The following GALNTL6 variants were observed in gnomAD, a reference collection of about 807,000 sequenced individuals.
GALNTL6 encodes polypeptide N-acetylgalactosaminyltransferase like 6.
In GALNTL6, 46 loss-of-function variants were observed where a neutral mutation model predicts 73.7. The observed-to-expected ratio is 0.62, with a 90% CI of 0.49 to 0.80. The LOEUF (loss-of-function observed/expected upper bound fraction) is 0.80, where lower values mean the gene tolerates loss of function less well. GALNTL6 is among the 30% of genes least tolerant of loss of function. GALNTL6 has a pLI of 0.00. For missense variants in GALNTL6, 604 were observed against 755.0 expected, an observed-to-expected ratio of 0.80 and a Z score of 2.34; for synonymous variants, 259 against 263.7, an observed-to-expected ratio of 0.98 and a Z score of 0.17.
At chr4:172,062,313 C>T (rs537611295) in intron 2 of GALNTL6, among the ~76,000 whole-genome samples, 10 of 152,218 alleles carry the variant, frequency 6.6e-5, no homozygotes, top group Admixed American at 2.0e-4. Context: ...TAATGTCACA[C>T]GGCCTAGAAG....
chr4:172,554,838 G>A (rs1454138803), intron 5 of GALNTL6, among the ~76,000 whole-genome samples: 2 of 152,046 alleles, frequency 1.3e-5, no homozygotes, highest in Non-Finnish European at 2.9e-5. Context: ...GTGGTTCCCA[G>A]GTCTTGGCTC....
chr4:171,916,460 A>T (rs575196903), intron 2 of GALNTL6, among the ~76,000 whole-genome samples: 1 of 152,254 alleles, frequency 6.6e-6, no homozygotes, highest in African/African-American at 2.4e-5. Flanking sequence ...ACTGCTGGAA[A>T]TGCATTGGAA....
At chr4:172,835,045 G>A (rs1742834569) in intron 7 of GALNTL6, among the ~76,000 whole-genome samples, 1 of 152,218 alleles carries the variant, frequency 6.6e-6, no homozygotes, top group Non-Finnish European at 1.5e-5. Context: ...ATGTCACCAA[G>A]AAGCAGGAGA....
chr4:171,992,521 T>C (rs1315103001), intron 2 of GALNTL6, among the ~76,000 whole-genome samples: 1 of 152,072 alleles, frequency 6.6e-6, no homozygotes, highest in Non-Finnish European at 1.5e-5. Context: ...CCCACTCAGA[T>C]CTTCTTACTC....
intron 10 of GALNTL6, among the ~76,000 whole-genome samples, chr4:172,979,438 A>G (rs890630644): frequency 6.6e-6 from 1 of 152,242 alleles, no homozygotes; most frequent in African/African-American, 2.4e-5. Context: ...ATATGGAAAA[A>G]TAAATTGTTT....
chr4:173,031,413 T>C (rs1192790179), intron 12 of GALNTL6, among the ~76,000 whole-genome samples: 2 of 152,218 alleles, frequency 1.3e-5, no homozygotes, highest in Non-Finnish European at 2.9e-5. Context: ...AACTATTTAG[T>C]TATAGCTAAA....
intron 2 of GALNTL6, among the ~76,000 whole-genome samples, chr4:171,914,045 GT>G (rs1737546081): frequency 6.6e-6 from 1 of 151,982 alleles, no homozygotes; most frequent in Non-Finnish European, 1.5e-5. Context: ...TCTTGCTATT[GT>G]TATAAAGGCT....
At chr4:172,387,808 T>G (rs891654544) in intron 5 of GALNTL6, among the ~76,000 whole-genome samples, 1 of 152,176 alleles carries the variant, frequency 6.6e-6, no homozygotes, top group African/African-American at 2.4e-5. Context: ...TAAAATGTTC[T>G]TCCTATTACT....
rs1418660698 is a variant in GALNTL6, at chr4:172,311,647, C to T, written c.281C>T (p.Thr94Ile). The T allele has an allele frequency of 1.2e-6, 2 of 1,610,716 alleles. No individual in the cohort carries two copies. The highest frequency in any genetic ancestry group is 1.7e-6 in the Non-Finnish European group (2 of 1,178,258). The change falls in exon 4 of 13, where the codon ACT becomes ATT. Residue 94 changes from threonine (T) to isoleucine (I), a missense_variant. Thr to Ile is a moderately conservative substitution (Grantham distance 89). This residue lies in a region of GALNTL6 where 141 missense variants were observed against 156.6 expected (regional missense o/e 0.90). Coordinates refer to ENST00000506823, the MANE Select transcript of GALNTL6 (RefSeq NM_001034845.3). Reference protein sequence around the residue: ...KGEHGKPYPLTEEDHDDSAYR... With the variant: ...KGEHGKPYPLIEEDHDDSAYR... Reference sequence around the variant, plus strand: ...GAACATGGGAAACCTTACCCCCTTACTGAAGAGGACCATGATGACTCAGCT... The same window carrying T: ...GAACATGGGAAACCTTACCCCCTTATTGAAGAGGACCATGATGACTCAGCT...
chr4:172,365,736 G>A (rs920414641), intron 5 of GALNTL6, among the ~76,000 whole-genome samples: 2 of 151,392 alleles, frequency 1.3e-5, no homozygotes, highest in African/African-American at 4.9e-5. Context: ...AATGTATGTA[G>A]TGCGAGCCTC....
chr4:171,920,952 C>A (rs896127079), intron 2 of GALNTL6, among the ~76,000 whole-genome samples: 1 of 151,958 alleles, frequency 6.6e-6, no homozygotes, highest in African/African-American at 2.4e-5. Flanking sequence ...GTATTGTATG[C>A]GCATTGTAAA....
chr4:173,007,500 TTCA>T (rs1371115365), intron 10 of GALNTL6, among the ~76,000 whole-genome samples: 4 of 152,158 alleles, frequency 2.6e-5, no homozygotes, highest in African/African-American at 7.2e-5. Flanking sequence ...TGGCGAAACC[TTCA>T]AGCAGGAAGA....
chr4:172,006,549 C>T lies in GALNTL6; in HGVS notation c.138+191831C>T, dbSNP rs565734189. On this transcript the variant is annotated intron_variant, in intron 2 of 12. Coordinates refer to ENST00000506823, the MANE Select transcript of GALNTL6 (RefSeq NM_001034845.3). The stretch of plus-strand genomic sequence containing the variant: ...GGCTGAGGTTGGAAGATTGCTTGAA[C>T]CCTGGATGTTGAGGCTGCAGTGAGC... Among the ~76,000 whole-genome samples the T allele has an allele frequency of 4.9e-4, 74 of 152,156 alleles. 1 individual carries two copies. The South Asian group carries it at 9.7e-3, about 20-fold the overall frequency.
At chr4:172,909,132 G>C (rs1260716282) in intron 8 of GALNTL6, among the ~76,000 whole-genome samples, 1 of 151,652 alleles carries the variant, frequency 6.6e-6, no homozygotes, top group East Asian at 1.9e-4. Context: ...AGTTTCCTCA[G>C]CGATAGTACA....
chr4:171,841,881 A>G (rs1311923839), intron 2 of GALNTL6, among the ~76,000 whole-genome samples: 1 of 152,096 alleles, frequency 6.6e-6, no homozygotes, highest in African/African-American at 2.4e-5. Flanking sequence ...ATTACTGTCA[A>G]TATAAATAAA....
intron 5 of GALNTL6, among the ~76,000 whole-genome samples, chr4:172,797,466 A>G (rs1315653508): frequency 6.6e-6 from 1 of 152,032 alleles, no homozygotes; most frequent in Admixed American, 6.6e-5. Flanking sequence ...GCTTGTCTGT[A>G]GTTCCTGAGC....
At chr4:172,937,555 T>C (rs1024005815) in intron 9 of GALNTL6, among the ~76,000 whole-genome samples, 17 of 152,204 alleles carry the variant, frequency 1.1e-4, no homozygotes, top group African/African-American at 4.1e-4. Flanking sequence ...ACAAAAACTT[T>C]TGACAGATTT....
intron 5 of GALNTL6, among the ~76,000 whole-genome samples, chr4:172,597,125 A>G (rs572138303): frequency 6.6e-6 from 1 of 152,322 alleles, no homozygotes; most frequent in Non-Finnish European, 1.5e-5. Context: ...ATATTGCCAG[A>G]TGTAATTAAT....
chr4:172,451,440 T>G (rs2111422717), intron 5 of GALNTL6, among the ~76,000 whole-genome samples: 1 of 152,300 alleles, frequency 6.6e-6, no homozygotes, highest in Middle Eastern at 3.4e-3. Flanking sequence ...ACCTTTATAG[T>G]TAAGACCTCA....
Sources: gnomAD v4.1 joint callset for allele counts (sites outside exome capture counted in the v4.1 genomes callset) on GRCh38, gnomAD v4.1.1 for gene constraint, gnomAD v4.1.1 regional missense constraint, MANE v1.5 for transcripts, NCBI Gene and HGNC (gene_info 2026-07-23, HGNC 2026-07-21) for gene names.